POLQ: variants seen among roughly 807,000 people sequenced by gnomAD.
The protein encoded by POLQ is DNA polymerase theta.
A neutral mutation model predicts 259.2 loss-of-function variants in POLQ; 233 were observed. The observed-to-expected ratio is 0.90, with a 90% confidence interval of 0.81 to 1.00. The LOEUF is 1.00. POLQ is among the 50% of genes least tolerant of loss of function. The pLI is 0.00. For synonymous variants in POLQ, 1,025 were observed against 1,048.8 expected, an observed-to-expected ratio of 0.98 and a Z score of 0.44; for missense variants, 2,871 against 3,051.6, an observed-to-expected ratio of 0.94 and a Z score of 1.39.
rs758125939 is a variant in POLQ, at chr3:121,493,731, T to C, written c.2279-10A>G. The C allele has an allele frequency of 2.1e-5, 33 of 1,599,348 alleles. No individual in the cohort carries two copies. In the Admixed American group the frequency reaches 5.5e-4, roughly 27 times the overall value. On this transcript the variant is annotated splice_polypyrimidine_tract_variant and intron_variant, in intron 14 of 29. Coordinates refer to ENST00000264233, the MANE Select transcript of POLQ (RefSeq NM_199420.4). ...AATACTGTAATCATCCCTAGAACATTCATAGAATATTTGTTGAATTCAATT... is the reference window on the plus strand; with the variant it reads ...AATACTGTAATCATCCCTAGAACATCCATAGAATATTTGTTGAATTCAATT...
chr3:121,500,264 G>A (rs1418118867), intron 12 of POLQ, among the ~76,000 whole-genome samples: 3 of 136,584 alleles, frequency 2.2e-5, no homozygotes, highest in African/African-American at 8.7e-5. Flanking sequence ...GGGCAACAGA[G>A]CAAGAATATG....
chr3:121,479,617 C>G (rs1423477872), intron 19 of POLQ, among the ~76,000 whole-genome samples: 1 of 151,824 alleles, frequency 6.6e-6, no homozygotes, highest in Non-Finnish European at 1.5e-5. Flanking sequence ...CCACACCCAG[C>G]TAATTTTTGA....
At chr3:121,499,341 C>T (rs1010987834) in intron 12 of POLQ, among the ~76,000 whole-genome samples, 1 of 151,062 alleles carries the variant, frequency 6.6e-6, no homozygotes, top group Admixed American at 6.6e-5. Flanking sequence ...AAGCTTCAAC[C>T]TCCTGTGCTC....
chr3:121,543,365 A>G (rs2048504137), intron 2 of POLQ, among the ~76,000 whole-genome samples: 1 of 152,234 alleles, frequency 6.6e-6, no homozygotes. Flanking sequence ...GCTTTTATAT[A>G]TGAAATAATT....
chr3:121,483,461 A>G lies in POLQ; in HGVS notation c.5895T>C (p.Tyr1965=), dbSNP rs376449388. The G allele has an allele frequency of 3.1e-6, 5 of 1,606,562 alleles. No individual in the cohort carries two copies. The African/African-American group carries it at 6.7e-5, about 22-fold the overall frequency. ...GAATTTTATAGCTCTGGATGAAGTCATAGATGACAACAGAACATTCTTTAT... is the reference window on the plus strand; with the variant it reads ...GAATTTTATAGCTCTGGATGAAGTCGTAGATGACAACAGAACATTCTTTAT... ...ESDKECSVVI[Y]DFIQSYKILL... The change falls in exon 18 of 30, where the codon TAT becomes TAC. Residue 1965 remains tyrosine, a synonymous_variant. Transcript: ENST00000264233.
At chr3:121,484,915 A>G (rs923425398) in intron 17 of POLQ, 126 bp downstream of exon 17, 2 of 795,924 alleles carry the variant, frequency 2.5e-6, no homozygotes, top group East Asian at 2.9e-5. Flanking sequence ...AACAAACAAA[A>G]AAAAATTTAA....
chr3:121,469,388 G>A (rs188052181), intron 22 of POLQ, among the ~76,000 whole-genome samples: 15 of 152,156 alleles, frequency 9.9e-5, no homozygotes, highest in Admixed American at 6.5e-4. Context: ...ACTCTTCATT[G>A]TAACAGGCTG....
chr3:121,478,197 C>T (rs941762285), intron 19 of POLQ, among the ~76,000 whole-genome samples: 1 of 152,148 alleles, frequency 6.6e-6, no homozygotes, highest in African/African-American at 2.4e-5. Flanking sequence ...CTCTCAAAGG[C>T]TACTGCGGTC....
chr3:121,435,126 T>TG (rs1318052804), intron 28 of POLQ, among the ~76,000 whole-genome samples: 2 of 152,294 alleles, frequency 1.3e-5, no homozygotes, highest in African/African-American at 4.8e-5. Context: ...ATCGTGCCAC[T>TG]GCACTCCAGC....
intron 22 of POLQ, among the ~76,000 whole-genome samples, chr3:121,471,672 G>A (rs1216169371): frequency 6.6e-6 from 1 of 152,126 alleles, no homozygotes; most frequent in Non-Finnish European, 1.5e-5. Flanking sequence ...AACCTGGGAG[G>A]CAGAGGTTGC....
chr3:121,531,936 C>T (rs2048414373), intron 6 of POLQ, among the ~76,000 whole-genome samples: 1 of 152,114 alleles, frequency 6.6e-6, no homozygotes, highest in Admixed American at 6.5e-5. Context: ...ATTCTATTTC[C>T]AATTCTAAAA....
intron 25 of POLQ, among the ~76,000 whole-genome samples, chr3:121,457,003 C>A (rs1440520248): frequency 2.6e-5 from 4 of 152,276 alleles, no homozygotes; most frequent in South Asian, 2.1e-4. Flanking sequence ...GCTACAGTAA[C>A]CAAAACAGCA....
intron 24 of POLQ, 60 bp from the exon 25 acceptor site, chr3:121,460,294 T>C: frequency 8.0e-7 from 1 of 1,254,696 alleles, no homozygotes; most frequent in Non-Finnish European, 1.2e-6. Flanking sequence ...ACAATCCAAG[T>C]TCTATATCAT....
Position 121,474,465 on chromosome 3 carries a change from C to CT in POLQ, c.6406-979dup, listed in dbSNP as rs1376006016. 3.3e-5 allele frequency among the ~76,000 whole-genome samples: 5 copies of CT among 152,326 alleles called. No homozygotes were observed. In the East Asian group the frequency reaches 7.7e-4, roughly 23 times the overall value. ...AAACTAGGGCAATTCAGAACATTAT[C>CT]TACTATACCTAATCATTCACTTATA... On this transcript the variant is annotated intron_variant, in intron 20 of 29. Coordinates refer to ENST00000264233, the MANE Select transcript of POLQ (RefSeq NM_199420.4).
At chr3:121,504,785 GTTT>G in intron 12 of POLQ, among the ~76,000 whole-genome samples, 1 of 152,232 alleles carries the variant, frequency 6.6e-6, no homozygotes, top group East Asian at 1.9e-4. Context: ...AACTAACTTA[GTTT>G]TTTTATTTCA....
chr3:121,498,081 C>T (rs143513416), intron 13 of POLQ, among the ~76,000 whole-genome samples: 23 of 152,034 alleles, frequency 1.5e-4, no homozygotes, highest in South Asian at 4.2e-4. Context: ...GAGGCGGAGG[C>T]GGGTGGATCA....
chr3:121,494,840 A>T, intron 14 of POLQ: 1 of 1,583,388 alleles, frequency 6.3e-7, no homozygotes, highest in South Asian at 1.1e-5. Context: ...CCTGGGTCCT[A>T]AGTCTGTGGC....
chr3:121,433,012 A>G lies in POLQ; in HGVS notation c.7565T>C (p.Leu2522Pro). 6.2e-7 allele frequency: 1 copy of G among 1,609,918 alleles called. No homozygotes were observed. Among genetic ancestry groups the G allele is most frequent in the Non-Finnish European group, 8.5e-7 (1 of 1,176,204 alleles). ...TCTGATTGGGCAGAACATCCCTTGC[A>G]GTTTTCTCTTTCGTGACAATCCTAC... ...DQTGLSRKRKLQGMFCPIRGG... is the reference protein window; with the variant it reads ...DQTGLSRKRKPQGMFCPIRGG... Residue 2522 changes from leucine (L) to proline (P), a missense_variant, in exon 29 of 30, where the codon CTG becomes CCG. Leu to Pro is a moderately conservative substitution (Grantham distance 98). Coordinates refer to ENST00000264233, the MANE Select transcript of POLQ (RefSeq NM_199420.4).
intron 2 of POLQ, among the ~76,000 whole-genome samples, chr3:121,543,735 G>C (rs2108823402): frequency 6.6e-6 from 1 of 152,270 alleles, no homozygotes; most frequent in East Asian, 1.9e-4. Context: ...TGTAATCCCA[G>C]GACTTTGGGA....
Sources: allele counts gnomAD v4.1 joint callset (sites outside exome capture counted in the v4.1 genomes callset), GRCh38; gene constraint gnomAD v4.1.1; transcripts MANE v1.5; gene names NCBI Gene and HGNC (gene_info 2026-07-23, HGNC 2026-07-21).